SPIRE2: variants seen among roughly 807,000 people sequenced by gnomAD.
SPIRE2 encodes the protein protein spire homolog 2.
In SPIRE2, 76 loss-of-function variants were observed where a neutral mutation model predicts 80.7. That is an observed-to-expected ratio of 0.94 (90% CI 0.78 to 1.14). The LOEUF (loss-of-function observed/expected upper bound fraction) is 1.14, where lower values mean the gene tolerates loss of function less well. SPIRE2 is among the 50% of genes most tolerant of loss of function. The pLI is 0.00. For missense variants in SPIRE2, 1,196 were observed against 1,015.3 expected (o/e 1.18, Z -2.42); for synonymous variants, 535 against 432.6 (o/e 1.24, Z -2.94).
At chr16:89,837,553 C>CT (rs2041461996) in intron 1 of SPIRE2, among the ~76,000 whole-genome samples, 1 of 152,218 alleles carries the variant, frequency 6.6e-6, no homozygotes, top group Non-Finnish European at 1.5e-5. Flanking sequence ...GTGGGGTCCC[C>CT]TTAGGGCTCA....
intron 1 of SPIRE2, among the ~76,000 whole-genome samples, chr16:89,838,093 G>T (rs1449332555): frequency 6.6e-6 from 1 of 151,516 alleles, no homozygotes; most frequent in Non-Finnish European, 1.5e-5. Context: ...TCCGCCTCCG[G>T]GGATCAAACG....
At chr16:89,867,703 GC>G (rs1597226166) in intron 12 of SPIRE2, among the ~76,000 whole-genome samples, 2 of 151,222 alleles carry the variant, frequency 1.3e-5, no homozygotes, top group South Asian at 2.1e-4. Flanking sequence ...TCCTATCTCA[GC>G]CCCCCAAGTA....
At chr16:89,855,956 G>A in intron 6 of SPIRE2, 157 bp from the exon 7 acceptor site, 1 of 1,331,832 alleles carries the variant, frequency 7.5e-7, no homozygotes, top group Non-Finnish European at 1.0e-6. Context: ...CCTGGGAGCA[G>A]CACTCCCTCC....
At chr16:89,855,185 A>ACCTG (rs2041678515) in intron 5 of SPIRE2, among the ~76,000 whole-genome samples, 2 of 152,022 alleles carry the variant, frequency 1.3e-5, no homozygotes, top group Non-Finnish European at 2.9e-5. Flanking sequence ...TGATCTGCCC[A>ACCTG]CCTCGGCCTC....
chr16:89,860,584 C>A, intron 9 of SPIRE2, 99 bp from the exon 10 acceptor site: 1 of 799,700 alleles, frequency 1.3e-6, no homozygotes. Flanking sequence ...TTGCTTGGTT[C>A]CCCTGGAGCC....
At chr16:89,854,218 G>A (rs1461083888) in intron 3 of SPIRE2, 68 bp from the exon 4 acceptor site, 5 of 1,455,826 alleles carry the variant, frequency 3.4e-6, no homozygotes, top group Middle Eastern at 1.7e-4. Context: ...TGTCCCTGAC[G>A]GACGGGGCCC....
chr16:89,851,461 G>A (rs1335309211), intron 3 of SPIRE2, among the ~76,000 whole-genome samples: 1 of 152,200 alleles, frequency 6.6e-6, no homozygotes, highest in Non-Finnish European at 1.5e-5. Flanking sequence ...GCCCCTTACA[G>A]GTGGAGGGGT....
At position 89,851,457 on chromosome 16, in the gene SPIRE2, T is replaced by G. The variant is rs1292888992; in HGVS notation, c.645+797T>G. On this transcript the variant is annotated intron_variant, in intron 3 of 14. Coordinates refer to ENST00000378247, the MANE Select transcript of SPIRE2 (RefSeq NM_032451.2). ...AACCCAGCCTCATTCTCCTGCCCCTTACAGGTGGAGGGGTCACTTGACAGA... is the reference window on the plus strand; with the variant it reads ...AACCCAGCCTCATTCTCCTGCCCCTGACAGGTGGAGGGGTCACTTGACAGA... Among the ~76,000 whole-genome samples the G allele has an allele frequency of 2.6e-5, 4 of 152,118 alleles. No individual in the cohort carries two copies. In the East Asian group the frequency reaches 7.7e-4, roughly 29 times the overall value.
intron 1 of SPIRE2, among the ~76,000 whole-genome samples, chr16:89,829,526 G>A (rs998508602): frequency 6.6e-6 from 1 of 152,242 alleles, no homozygotes; most frequent in Non-Finnish European, 1.5e-5. Flanking sequence ...GGCAGAGGCA[G>A]GCTGTGTGTT....
At chr16:89,857,999 T>C (rs1369461785) in intron 7 of SPIRE2, among the ~76,000 whole-genome samples, 4 of 151,394 alleles carry the variant, frequency 2.6e-5, no homozygotes, top group Non-Finnish European at 5.9e-5. Context: ...TCTCCTGCCT[T>C]AGCTTCCCGA....
intron 8 of SPIRE2, among the ~76,000 whole-genome samples, chr16:89,858,921 C>A (rs1359399026): frequency 1.3e-5 from 2 of 152,236 alleles, no homozygotes; most frequent in Non-Finnish European, 2.9e-5. Context: ...TGGGGGCCAT[C>A]CCAGAGGGCT....
chr16:89,850,832 TTTG>T (rs370324556), intron 3 of SPIRE2, among the ~76,000 whole-genome samples, 172 bp downstream of exon 3: 12 of 152,138 alleles, frequency 7.9e-5, no homozygotes, highest in African/African-American at 2.2e-4. Context: ...TTGTTGTTTT[TTTG>T]TTGTTGTTGT....
chr16:89,854,346 A>T lies in SPIRE2; in HGVS notation c.706A>T (p.Ser236Cys). The change falls in exon 4 of 15, where the codon AGC becomes TGC. Residue 236 changes from serine (S) to cysteine (C), a missense_variant. Coordinates refer to ENST00000378247, the MANE Select transcript of SPIRE2 (RefSeq NM_032451.2). ...HLETPRAELD[S>C]LGHTDWARLW... Reference sequence around the variant, plus strand: ...GGAGACGCCTCGGGCAGAGCTGGACAGCCTGGGTCACACAGACTGGGTAAG... The same window carrying T: ...GGAGACGCCTCGGGCAGAGCTGGACTGCCTGGGTCACACAGACTGGGTAAG... The T allele has an allele frequency of 6.2e-7, 1 of 1,612,588 alleles. No homozygotes were observed.
rs1458446620 is a variant in SPIRE2 at position 89,834,987 on chromosome 16, C to T, written c.244+6193C>T. Among the ~76,000 whole-genome samples, 5 of 148,320 alleles carry T rather than the reference C, an allele frequency of 3.4e-5. 1 individual carries two copies. The South Asian group carries it at 6.4e-4, about 19-fold the overall frequency. On this transcript the variant is annotated intron_variant, in intron 1 of 14. Transcript: ENST00000378247. ...CGTAGAAGGCCCCATAAGCATAGCC[C>T]GGGTGAATCTGTGAACCTGCCCGCA...
At chr16:89,860,944 A>T in intron 10 of SPIRE2, 149 bp downstream of exon 10, 2 of 527,396 alleles carry the variant, frequency 3.8e-6, no homozygotes, top group Non-Finnish European at 6.4e-6. Flanking sequence ...CGGTCTGAAC[A>T]TGGGGCACCA....
chr16:89,842,633 T>C (rs1451793418), intron 1 of SPIRE2, among the ~76,000 whole-genome samples: 1 of 151,596 alleles, frequency 6.6e-6, no homozygotes, highest in African/African-American at 2.4e-5. Context: ...TCGCCTGATG[T>C]GGGCTTAGTC....
intron 13 of SPIRE2, among the ~76,000 whole-genome samples, chr16:89,869,282 T>C (rs757277172): frequency 6.6e-6 from 1 of 151,706 alleles, no homozygotes; most frequent in African/African-American, 2.4e-5. Context: ...AAGGAGCCCC[T>C]GTCCAGATGA....
intron 4 of SPIRE2, 35 bp downstream of exon 4, chr16:89,854,401 G>A (rs368868845): frequency 8.1e-6 from 13 of 1,611,242 alleles, no homozygotes; most frequent in African/African-American, 6.7e-5. Flanking sequence ...GGCCACTGAC[G>A]CGGCCCAGCC....
intron 9 of SPIRE2, 129 bp from the exon 10 acceptor site, chr16:89,860,554 C>A: frequency 1.6e-6 from 1 of 637,948 alleles, no homozygotes. Flanking sequence ...TACTGCCCGG[C>A]CGCTTCTCCC....
Sources: allele counts gnomAD v4.1 joint callset (sites outside exome capture counted in the v4.1 genomes callset), GRCh38; gene constraint gnomAD v4.1.1; transcripts MANE v1.5; gene names NCBI Gene and HGNC (gene_info 2026-07-23, HGNC 2026-07-21).